The following MOCOS variants were observed in gnomAD, a reference collection of about 807,000 sequenced individuals.
The protein encoded by MOCOS is human molybdenum cofactor sulfurase.
In MOCOS, 86 loss-of-function variants were observed where a neutral mutation model predicts 83.6. The observed-to-expected ratio is 1.03, with a 90% CI of 0.86 to 1.23. MOCOS has a LOEUF of 1.23. Ranked by LOEUF, MOCOS falls within the 50% of genes most tolerant of loss-of-function variation. MOCOS has a pLI of 0.00. For missense variants in MOCOS, 1,120 were observed against 1,126.9 expected (o/e 0.99, Z 0.09); for synonymous variants, 445 against 434.7 (o/e 1.02, Z -0.29).
At chr18:36,250,560 A>C (rs1326228879) in intron 10 of MOCOS, among the ~76,000 whole-genome samples, 2 of 152,210 alleles carry the variant, frequency 1.3e-5, no homozygotes, top group African/African-American at 2.4e-5. Context: ...AGAGTGAAGC[A>C]CACTCTACAT....
At chr18:36,254,458 C>CTCTGTGTGTG (rs377107374) in intron 11 of MOCOS, among the ~76,000 whole-genome samples, 1 of 138,866 alleles carries the variant, frequency 7.2e-6, no homozygotes, top group African/African-American at 2.7e-5. Context: ...TACATTATCT[C>CTCTGTGTGTG]TGTGTGTGTG....
chr18:36,254,712 A>G (rs115509057), intron 11 of MOCOS, among the ~76,000 whole-genome samples: 3,396 of 151,322 alleles, frequency 0.022, 126 homozygotes, highest in African/African-American at 0.079. Context: ...CCTCAACAGA[A>G]TTTTATCTTA....
intron 6 of MOCOS, among the ~76,000 whole-genome samples, chr18:36,207,546 T>C (rs1568052259): frequency 6.6e-6 from 1 of 151,650 alleles, no homozygotes; most frequent in Non-Finnish European, 1.5e-5. Flanking sequence ...CTCTCATGAT[T>C]AATGATGTCG....
At chr18:36,246,530 G>A (rs916218016) in intron 9 of MOCOS, among the ~76,000 whole-genome samples, 14 of 152,218 alleles carry the variant, frequency 9.2e-5, no homozygotes, top group African/African-American at 2.7e-4. Context: ...TGAAGGTGGC[G>A]GGGAGTAAAG....
chr18:36,232,855 TACACACACACACACACAC>T (rs71168208), intron 9 of MOCOS, among the ~76,000 whole-genome samples: 1 of 147,830 alleles, frequency 6.8e-6, no homozygotes, highest in Non-Finnish European at 1.5e-5. Context: ...AATATTCCAT[TACACACACACACACACAC>T]ACACACACAC....
At chr18:36,220,342 C>T in intron 9 of MOCOS, 125 bp downstream of exon 9, 2 of 843,826 alleles carry the variant, frequency 2.4e-6, no homozygotes, top group Non-Finnish European at 3.3e-6. Context: ...CTCATCTCTA[C>T]AAAAAAAAAA....
chr18:36,234,779 CG>C (rs1414431568), intron 9 of MOCOS, among the ~76,000 whole-genome samples: 2 of 151,842 alleles, frequency 1.3e-5, no homozygotes, highest in African/African-American at 2.4e-5. Flanking sequence ...TTTAAATGGC[CG>C]GGGAAGCCTC....
chr18:36,199,830 C>T lies in MOCOS; in HGVS notation c.447C>T (p.Thr149=), dbSNP rs142201209. 1,067 of 1,614,116 alleles carry T rather than the reference C, an allele frequency of 6.6e-4. 1 individual carries two copies. The highest frequency in any genetic ancestry group is 8.3e-4 in the Non-Finnish European group (974 of 1,180,026). Residue 149 remains threonine (T), a synonymous_variant, in exon 4 of 15, where the codon ACC becomes ACT. Transcript: ENST00000261326. ...GTGGGAGTCGCTTCTGTTACCTCACCGACAGCCACACCTCCGTAGTGGGTA... is the reference window on the plus strand; with the variant it reads ...GTGGGAGTCGCTTCTGTTACCTCACTGACAGCCACACCTCCGTAGTGGGTA... The part of the protein sequence containing the change: ...ESSGSRFCYL[T]DSHTSVVGMR...
intron 13 of MOCOS, among the ~76,000 whole-genome samples, chr18:36,263,224 G>A (rs2091670073): frequency 6.6e-6 from 1 of 152,184 alleles, no homozygotes; most frequent in Non-Finnish European, 1.5e-5. Context: ...ATGTCATCAA[G>A]TCATAAATAT....
chr18:36,199,922 C>T lies in MOCOS; in HGVS notation c.539C>T (p.Ala180Val). Residue 180 changes from alanine to valine, a missense_variant, in exon 4 of 15, where the codon GCA (alanine) becomes GTA (valine). Coordinates refer to ENST00000261326, the MANE Select transcript of MOCOS (RefSeq NM_017947.4). ...GTCAGGCCAGAGGACCTGTGGTCTG[C>T]AGAGGAACGTAGTGCTTCAGCCAGC... ...TPVRPEDLWS[A>V]EERSASASNP... 6.2e-7 allele frequency: 1 copy of T among 1,614,036 alleles called. No individual in the cohort carries two copies. The highest frequency in any genetic ancestry group is 1.1e-5 in the South Asian group (1 of 91,060).
intron 2 of MOCOS, among the ~76,000 whole-genome samples, chr18:36,195,760 T>C (rs920248354): frequency 6.6e-6 from 1 of 152,206 alleles, no homozygotes; most frequent in African/African-American, 2.4e-5. Context: ...AAAATAAACA[T>C]ATCCCTTTCT....
At chr18:36,198,665 T>C (rs746709445) in intron 2 of MOCOS, 25 bp from the exon 3 acceptor site, 9 of 1,613,296 alleles carry the variant, frequency 5.6e-6, no homozygotes, top group Non-Finnish European at 7.6e-6. Context: ...AGTGACTTGG[T>C]GGCCTTGTCT....
chr18:36,193,226 G>C (rs1017534884), intron 1 of MOCOS, among the ~76,000 whole-genome samples: 7 of 147,736 alleles, frequency 4.7e-5, no homozygotes, highest in African/African-American at 1.7e-4. Flanking sequence ...CAGGAGAATG[G>C]TGTGAACCCG....
intron 9 of MOCOS, among the ~76,000 whole-genome samples, chr18:36,238,831 A>G (rs1231264805): frequency 7.8e-6 from 1 of 128,928 alleles, no homozygotes; most frequent in African/African-American, 2.8e-5. Flanking sequence ...TATTGGGTGC[A>G]TATATATTTA....
intron 12 of MOCOS, among the ~76,000 whole-genome samples, chr18:36,259,678 G>A (rs1480748364): frequency 6.6e-6 from 1 of 152,020 alleles, no homozygotes; most frequent in East Asian, 1.9e-4. Flanking sequence ...AATGCCTTAT[G>A]CCGCCCCACC....
At position 36,198,847 on chromosome 18, in the gene MOCOS, T is replaced by C. The variant is rs1286250211; in HGVS notation, c.299+91T>C. ...GCCTGCATCCCACAAAAGTTCTGAGTTGGTTTCAGGAGGATCACAGTTGGC... is the reference window on the plus strand; with the variant it reads ...GCCTGCATCCCACAAAAGTTCTGAGCTGGTTTCAGGAGGATCACAGTTGGC... On this transcript the variant is annotated intron_variant, in intron 3 of 14. Coordinates refer to ENST00000261326, the MANE Select transcript of MOCOS (RefSeq NM_017947.4). The C allele has an allele frequency of 2.8e-6, 4 of 1,413,332 alleles. No individual in the cohort carries two copies. In the African/African-American group the frequency reaches 4.3e-5, roughly 15 times the overall value. 87.5% of individuals were successfully genotyped at this position (1,413,332 alleles called of 1,614,324 possible).
Position 36,205,189 on chromosome 18 carries a change from T to C in MOCOS, c.1131T>C (p.Asp377=). 6.2e-7 allele frequency: 1 copy of C among 1,613,964 alleles called. No homozygotes were observed. Among genetic ancestry groups the C allele is most frequent in the Non-Finnish European group, 8.5e-7 (1 of 1,179,938 alleles). Reference sequence around the variant, plus strand: ...CCCCTGTGGTGCGGATTTACAGCGATTCTGAGTTCAGCAGCCCTGAGGTTC... The same window carrying C: ...CCCCTGTGGTGCGGATTTACAGCGACTCTGAGTTCAGCAGCCCTGAGGTTC... ...NGAPVVRIYS[D]SEFSSPEVQG... The change falls in exon 6 of 15, where the codon GAT becomes GAC. Residue 377 remains aspartate (D), a synonymous_variant. Coordinates refer to ENST00000261326, the MANE Select transcript of MOCOS (RefSeq NM_017947.4).
chr18:36,222,788 G>C (rs1291971494), intron 9 of MOCOS, among the ~76,000 whole-genome samples: 1 of 152,032 alleles, frequency 6.6e-6, no homozygotes, highest in Non-Finnish European at 1.5e-5. Flanking sequence ...TTTTAGTAGA[G>C]ACGGGGTTTC....
chr18:36,220,655 C>T (rs1371105288), intron 9 of MOCOS, among the ~76,000 whole-genome samples: 1 of 152,124 alleles, frequency 6.6e-6, no homozygotes, highest in East Asian at 1.9e-4. Flanking sequence ...GGGCCAGGTG[C>T]GGTGGCTCAC....
Sources: allele counts gnomAD v4.1 joint callset (sites outside exome capture counted in the v4.1 genomes callset), GRCh38; gene constraint gnomAD v4.1.1; transcripts MANE v1.5; gene names NCBI Gene and HGNC (gene_info 2026-07-23, HGNC 2026-07-21).